The following ADA2 variants were observed in gnomAD, a reference collection of about 807,000 sequenced individuals.
ADA2 encodes the protein adenosine deaminase 2, also known as adenosine deaminase CECR1.
A neutral mutation model predicts 44.2 loss-of-function variants in ADA2; 29 were observed. That is an observed-to-expected ratio of 0.66 (90% CI 0.49 to 0.89). The LOEUF is 0.89. Ranked by LOEUF, ADA2 falls within the 40% of genes least tolerant of loss-of-function variation. The pLI, the probability that ADA2 is intolerant of heterozygous loss-of-function variation, is 0.00. For synonymous variants in ADA2, 215 were observed against 234.9 expected, an observed-to-expected ratio of 0.92 and a Z score of 0.77; for missense variants, 637 against 644.8, an observed-to-expected ratio of 0.99 and a Z score of 0.13.
At chr22:17,191,939 TCCCAGCCACCCTTG>T (rs2062121783) in intron 4 of ADA2, 129 bp from the exon 5 acceptor site, 3 of 851,460 alleles carry the variant, frequency 3.5e-6, no homozygotes, top group East Asian at 3.0e-5. Flanking sequence ...AGCCACCCCT[TCCCAGCCACCCTTG>T]CCCAGCCACC....
chr22:17,190,174 G>T, intron 5 of ADA2, 142 bp from the exon 6 acceptor site: 1 of 640,562 alleles, frequency 1.6e-6, no homozygotes. Flanking sequence ...CTGCCCTCCT[G>T]ACCCCACCCT....
At position 17,188,407 on chromosome 22, in the gene ADA2, T is replaced by C. The variant is rs573337330; in HGVS notation, c.1013A>G (p.Lys338Arg). The C allele has an allele frequency of 3.1e-5, 50 of 1,614,092 alleles. No individual in the cohort carries two copies. Among genetic ancestry groups the C allele is most frequent in the Admixed American group, 2.5e-4 (15 of 60,026 alleles). ...CTTGGCGGGGATCATCAGAGCTTCCTTGTAGTCATGCAAGGAGTGGCCAGT... is the reference window on the plus strand; with the variant it reads ...CTTGGCGGGGATCATCAGAGCTTCCCTGTAGTCATGCAAGGAGTGGCCAGT... ...EDTGHSLHDY[K>R]EALMIPAKDG... The change falls in exon 7 of 10, where the codon AAG becomes AGG. Residue 338 changes from lysine to arginine, a missense_variant. Coordinates refer to ENST00000399837, the MANE Select transcript of ADA2 (RefSeq NM_001282225.2).
At chr22:17,193,688 A>AAC (rs952046645) in intron 4 of ADA2, among the ~76,000 whole-genome samples, 13 of 151,454 alleles carry the variant, frequency 8.6e-5, no homozygotes, top group Non-Finnish European at 1.9e-4. Flanking sequence ...TAAAAAAAAA[A>AAC]AAAAAAGATG....
Position 17,181,902 on chromosome 22 carries a change from C to T in ADA2, c.1360G>A (p.Asp454Asn). The part of the protein sequence containing the change: ...AMFGAKGLSY[D>N]FYEVFMGIGG... ...ATGCCCATGAAGACCTCATAGAAAT[C>T]ATAGGACAAGCCTTTGGCACCAAAC... Residue 454 changes from aspartate to asparagine, a missense_variant, in exon 9 of 10, where the codon GAT becomes AAT. Transcript: ENST00000399837. 1 of 1,614,146 alleles carries T rather than the reference C, an allele frequency of 6.2e-7. No homozygotes were observed. The highest frequency in any genetic ancestry group is 8.5e-7 in the Non-Finnish European group (1 of 1,180,004).
intron 9 of ADA2, 50 bp downstream of exon 9, chr22:17,181,770 G>T: frequency 6.6e-7 from 1 of 1,508,608 alleles, no homozygotes; most frequent in African/African-American, 1.4e-5. Flanking sequence ...GCAAACACAA[G>T]CTGCGGGCTG....
intron 7 of ADA2, among the ~76,000 whole-genome samples, chr22:17,185,264 A>G (rs1601425706): frequency 6.6e-6 from 1 of 150,878 alleles, no homozygotes; most frequent in East Asian, 2.0e-4. Flanking sequence ...TACAAAAAAT[A>G]TTAGCCGGGC....
chr22:17,197,695 C>A (rs530826476), intron 4 of ADA2, among the ~76,000 whole-genome samples: 2 of 152,220 alleles, frequency 1.3e-5, no homozygotes, highest in East Asian at 3.8e-4. Context: ...ACCCTCAAAA[C>A]TACACTATGA....
At chr22:17,199,412 C>T in intron 4 of ADA2, 4 of 871,440 alleles carry the variant, frequency 4.6e-6, no homozygotes, top group Non-Finnish European at 1.9e-6. Context: ...TCTGTCTCAG[C>T]GTCTCCTCCC....
In ADA2 at chr22:17,206,997, G is replaced by A. The variant is rs2062359515; in HGVS notation, c.542+74C>T. On this transcript the variant is annotated intron_variant, in intron 3 of 9. Transcript: ENST00000399837. ...AAGCCAGATTTTTATCTATAGGTTT[G>A]TACCAAGGGAGACACCTACCCACTG... 6.2e-6 allele frequency: 7 copies of A among 1,134,720 alleles called. No individual in the cohort carries two copies. The Admixed American group carries it at 1.1e-4, about 18-fold the overall frequency. 70.3% of individuals were successfully genotyped at this position (1,134,720 alleles called of 1,614,324 possible).
In ADA2 at chr22:17,209,493, C is replaced by A; in HGVS notation, c.185G>T (p.Arg62Met). ...CTCAGCGATTTTGAGCGTCATGAGC[C>A]TCTCATTGGCCAGCTCCTCCTTGGT... ...LNTKEELANERLMTLKIAEMK... is the reference protein window; with the variant it reads ...LNTKEELANEMLMTLKIAEMK... Residue 62 changes from arginine (R) to methionine (M), a missense_variant, in exon 2 of 10, where the codon AGG becomes ATG. Coordinates refer to ENST00000399837, the MANE Select transcript of ADA2 (RefSeq NM_001282225.2). 1.2e-6 allele frequency: 2 copies of A among 1,613,940 alleles called. No homozygotes were observed. The highest frequency in any genetic ancestry group is 1.7e-6 in the Non-Finnish European group (2 of 1,179,828).
chr22:17,188,279 T>A, intron 7 of ADA2, 60 bp downstream of exon 7: 1 of 1,254,050 alleles, frequency 8.0e-7, no homozygotes, highest in South Asian at 1.2e-5. Flanking sequence ...CATGGGCCTG[T>A]GGCCAGGAGC....
intron 1 of ADA2, among the ~76,000 whole-genome samples, chr22:17,212,231 TG>T (rs1237134737): frequency 1.3e-5 from 2 of 151,978 alleles, no homozygotes; most frequent in African/African-American, 4.8e-5. Flanking sequence ...TTCACCACGT[TG>T]GTTAGGCTGG....
intron 4 of ADA2, among the ~76,000 whole-genome samples, chr22:17,201,784 G>C (rs187070569): frequency 6.6e-6 from 1 of 152,022 alleles, no homozygotes; most frequent in African/African-American, 2.4e-5. Context: ...CTACCAACAC[G>C]GAGCCTGGTG....
upstream of ADA2, chr22:17,219,513 C>T (rs2123741143): frequency 6.6e-6 from 1 of 152,466 alleles, no homozygotes; most frequent in South Asian, 2.1e-4. Flanking sequence ...GGGAGAGGGG[C>T]TCTGCAGTGC....
intron 4 of ADA2, among the ~76,000 whole-genome samples, chr22:17,201,392 AGCGTATAAAAGC>A (rs2062285623): frequency 6.6e-6 from 1 of 152,132 alleles, no homozygotes; most frequent in South Asian, 2.1e-4. Context: ...TAAACTTCGG[AGCGTATAAAAGC>A]CTACAGAATA....
At chr22:17,183,955 C>CTTTTTT (rs33921509) in intron 7 of ADA2, among the ~76,000 whole-genome samples, 1,064 of 79,650 alleles carry the variant, frequency 0.013, 38 homozygotes, top group Middle Eastern at 0.019. Context: ...TCACACCTTT[C>CTTTTTT]TTTTTTTTTT....
upstream of ADA2, chr22:17,221,738 G>A (rs2062525121): frequency 6.6e-6 from 1 of 152,312 alleles, no homozygotes; most frequent in Non-Finnish European, 1.5e-5. Context: ...TGGATGTGGG[G>A]TTGGGAGCGG....
chr22:17,193,091 C>A (rs1601438300), intron 4 of ADA2: 3 of 1,048,210 alleles, frequency 2.9e-6, no homozygotes, highest in South Asian at 1.4e-5. Flanking sequence ...ATGGGAGCAA[C>A]AAAAAAAAAC....
chr22:17,190,810 C>T (rs546918253), intron 5 of ADA2, among the ~76,000 whole-genome samples: 3 of 152,210 alleles, frequency 2.0e-5, no homozygotes, highest in East Asian at 1.9e-4. Flanking sequence ...CTGAGCAGAA[C>T]GTGGGCCCAT....
Sources: gnomAD v4.1 joint callset for allele counts (sites outside exome capture counted in the v4.1 genomes callset) on GRCh38, gnomAD v4.1.1 for gene constraint, MANE v1.5 for transcripts, NCBI Gene and HGNC (gene_info 2026-07-23, HGNC 2026-07-21) for gene names.